The following ACAD11 variants were observed in gnomAD, a reference collection of about 807,000 sequenced individuals.
The protein encoded by ACAD11 is acyl-CoA dehydrogenase family member 11, also known as acyl-Coenzyme A dehydrogenase family, member 11.
A neutral mutation model predicts 102.2 loss-of-function variants in ACAD11; 83 were observed. The observed-to-expected ratio is 0.81, with a 90% confidence interval of 0.68 to 0.97. The LOEUF (loss-of-function observed/expected upper bound fraction) is 0.97. ACAD11 is among the 50% of genes least tolerant of loss of function. The pLI, the probability that ACAD11 is intolerant of heterozygous loss-of-function variation, is 0.00. For missense variants in ACAD11, 901 were observed against 951.7 expected (o/e 0.95, Z 0.70); for synonymous variants, 324 against 319.8 (o/e 1.01, Z -0.14).
intron 11 of ACAD11, among the ~76,000 whole-genome samples, chr3:132,612,490 A>C (rs1280901179): frequency 6.6e-6 from 1 of 152,080 alleles, no homozygotes; most frequent in African/African-American, 2.4e-5. Context: ...ACAAAGGGCT[A>C]ATATCCAGAA....
chr3:132,629,966 T>C (rs929625956), intron 7 of ACAD11, among the ~76,000 whole-genome samples: 1 of 152,070 alleles, frequency 6.6e-6, no homozygotes, highest in African/African-American at 2.4e-5. Flanking sequence ...TAAAAAAATC[T>C]TACTCATCTA....
chr3:132,590,390 T>C (rs774883754), intron 13 of ACAD11, among the ~76,000 whole-genome samples: 3 of 152,168 alleles, frequency 2.0e-5, no homozygotes, highest in Non-Finnish European at 4.4e-5. Flanking sequence ...CCTGAGTAGC[T>C]GGGATTACAG....
chr3:132,628,385 T>C lies in ACAD11; in HGVS notation c.1025A>G (p.Asn342Ser), dbSNP rs1460974158. The C allele has an allele frequency of 1.2e-6, 2 of 1,613,382 alleles. No individual in the cohort carries two copies. The highest frequency in any genetic ancestry group is 1.1e-5 in the South Asian group (1 of 90,956). ...AGTTTCTGCCAGAGGTTGCACAATA[T>C]TGGCAAATAAAAAGCTATCCTCAGA... ...NSSEDSFLFANIVQPLAETGL... is the reference protein window; with the variant it reads ...NSSEDSFLFASIVQPLAETGL... The change falls in exon 8 of 20, where the codon AAT becomes AGT. Residue 342 changes from asparagine to serine, a missense_variant. By Grantham distance (46) the Asn-to-Ser change is conservative. Transcript: ENST00000264990.
intron 5 of ACAD11, 31 bp from the exon 6 acceptor site, chr3:132,631,510 C>A: frequency 7.2e-7 from 1 of 1,388,274 alleles, no homozygotes; most frequent in Non-Finnish European, 9.5e-7. Context: ...GTCTGTAACA[C>A]ATTAAAACTT....
At chr3:132,582,954 A>AT (rs1198609968) in intron 13 of ACAD11, among the ~76,000 whole-genome samples, 2 of 152,150 alleles carry the variant, frequency 1.3e-5, no homozygotes, top group African/African-American at 2.4e-5. Flanking sequence ...GGGACAGAAA[A>AT]TTTTTTAACA....
chr3:132,620,928 T>C (rs1318203526), intron 9 of ACAD11, among the ~76,000 whole-genome samples: 1 of 152,044 alleles, frequency 6.6e-6, no homozygotes, highest in Non-Finnish European at 1.5e-5. Flanking sequence ...TGTTGAAAAA[T>C]AGATTAGATA....
rs751277415 is a variant in ACAD11, at chr3:132,659,791, T to C, written c.-40A>G. 1 of 1,548,512 alleles carries C rather than the reference T, an allele frequency of 6.5e-7. No homozygotes were observed. The highest frequency in any genetic ancestry group is 1.4e-5 in the African/African-American group (1 of 71,982). On this transcript the variant is annotated 5_prime_UTR_variant, in exon 1 of 20. Coordinates refer to ENST00000264990, the MANE Select transcript of ACAD11 (RefSeq NM_032169.5). ...GCCACAGCAACGCGGCATCCACAGG[T>C]CTCGAGTGCCGAAGTCCTTCAGGAT...
chr3:132,563,158 A>T lies in ACAD11; in HGVS notation c.2002-1941T>A, dbSNP rs186748121. 1.6e-3 allele frequency among the ~76,000 whole-genome samples: 238 copies of T among 152,044 alleles called. 1 individual carries two copies. The highest frequency in any genetic ancestry group is 5.6e-3 in the African/African-American group (234 of 41,478). On this transcript the variant is annotated intron_variant, in intron 17 of 19. Coordinates refer to ENST00000264990, the MANE Select transcript of ACAD11 (RefSeq NM_032169.5). ...TATATTTCTATGAATCTATTCCTGG[A>T]CTCTCTCTTCTGCTCCAAAGATCTA...
At chr3:132,654,376 T>G (rs1937670425) in intron 1 of ACAD11, 1 of 152,196 alleles carries the variant, frequency 6.6e-6, no homozygotes, top group African/African-American at 2.4e-5. Flanking sequence ...TGGAGTCACT[T>G]ATGACAAGTG....
intron 2 of ACAD11, among the ~76,000 whole-genome samples, chr3:132,643,492 G>C (rs1012211005): frequency 6.6e-6 from 1 of 152,188 alleles, no homozygotes; most frequent in Non-Finnish European, 1.5e-5. Flanking sequence ...TGTTGATGCA[G>C]GCCAAGTAAG....
Position 132,605,150 on chromosome 3 carries a change from C to A in ACAD11, c.1470G>T (p.Gln490His). The change falls in exon 12 of 20, where the codon CAG becomes CAT. Residue 490 changes from glutamine (Q) to histidine (H), a missense_variant. By Grantham distance (24) the Gln-to-His change is conservative (BLOSUM62 0). Coordinates refer to ENST00000264990, the MANE Select transcript of ACAD11 (RefSeq NM_032169.5). ...HLYGSEEQKK[Q>H]WLEPLLQGNI... ...TCCCTTGAAGAAGAGGCTCAAGCCA[C>A]TGTTTCTTCTGTTCCTCACTTCCAT... The A allele has an allele frequency of 6.2e-7, 1 of 1,613,764 alleles. No individual in the cohort carries two copies.
At chr3:132,634,843 G>A (rs1351360790) in intron 5 of ACAD11, among the ~76,000 whole-genome samples, 2 of 139,524 alleles carry the variant, frequency 1.4e-5, no homozygotes, top group African/African-American at 5.3e-5. Context: ...CTCATAGGTG[G>A]GAATTGAACA....
chr3:132,591,256 T>C (rs1160254252), intron 13 of ACAD11, among the ~76,000 whole-genome samples: 1 of 152,210 alleles, frequency 6.6e-6, no homozygotes, highest in African/African-American at 2.4e-5. Context: ...ATCTATAGAA[T>C]AGGGAGTCTT....
chr3:132,580,644 T>A (rs563654989), intron 13 of ACAD11, among the ~76,000 whole-genome samples: 2 of 152,110 alleles, frequency 1.3e-5, no homozygotes, highest in East Asian at 3.9e-4. Flanking sequence ...ATTTTAGGTG[T>A]GCTAATGGTA....
At chr3:132,617,053 T>G (rs1939435881) in intron 11 of ACAD11, among the ~76,000 whole-genome samples, 1 of 152,168 alleles carries the variant, frequency 6.6e-6, no homozygotes, top group South Asian at 2.1e-4. Context: ...AACTTGTTTT[T>G]GGTAGAGCTT....
chr3:132,591,786 G>A (rs76715377), intron 13 of ACAD11, among the ~76,000 whole-genome samples: 3 of 152,042 alleles, frequency 2.0e-5, no homozygotes, highest in Non-Finnish European at 4.4e-5. Context: ...AGCTACTCGG[G>A]ATGTTGAGAT....
chr3:132,580,114 T>G (rs1937577217), intron 13 of ACAD11, among the ~76,000 whole-genome samples: 1 of 152,056 alleles, frequency 6.6e-6, no homozygotes, highest in Non-Finnish European at 1.5e-5. Flanking sequence ...AAACTACCAT[T>G]TGACTAGATT....
At chr3:132,600,882 G>C (rs1309423810) in intron 13 of ACAD11, 2 of 1,613,598 alleles carry the variant, frequency 1.2e-6, no homozygotes, top group Non-Finnish European at 1.7e-6. Context: ...TTCTGTGTCT[G>C]GATGGCTGCC....
rs780955659 is a variant in ACAD11 at position 132,642,128 on chromosome 3, TC to T, written c.380del (p.Arg127GlnfsTer6). On this transcript the variant is annotated frameshift_variant, in exon 4 of 20. Coordinates refer to ENST00000264990, the MANE Select transcript of ACAD11 (RefSeq NM_032169.5). LOFTEE classifies it high-confidence loss of function. ...CAGGAATTGTTAAATCACGGAAGAT[TC>T]GACCCTATGGAAGTGATTACAACAG... ...EFYVMEHVQG[R>X]IFRDLTIPGL... 8 of 1,613,526 alleles carry T rather than the reference TC, an allele frequency of 5.0e-6. No individual in the cohort carries two copies. Among genetic ancestry groups the T allele is most frequent in the Non-Finnish European group, 6.8e-6 (8 of 1,179,720 alleles).
Sources: gnomAD v4.1 joint callset for allele counts (sites outside exome capture counted in the v4.1 genomes callset) on GRCh38, gnomAD v4.1.1 for gene constraint, MANE v1.5 for transcripts, NCBI Gene and HGNC (gene_info 2026-07-23, HGNC 2026-07-21) for gene names.